The following DNAH10 variants were observed in gnomAD, a reference collection of about 807,000 sequenced individuals.
DNAH10 encodes axonemal beta dynein heavy chain 10.
A neutral mutation model predicts 506.6 loss-of-function variants in DNAH10; 348 were observed. The observed-to-expected ratio is 0.69, with a 90% CI of 0.63 to 0.75. The LOEUF (loss-of-function observed/expected upper bound fraction) is 0.75. DNAH10 is among the 30% of genes least tolerant of loss of function. The pLI is 0.00. For missense variants in DNAH10, 5,179 were observed against 5,787.1 expected (o/e 0.89, Z 3.41); for synonymous variants, 2,059 against 2,198.6 (o/e 0.94, Z 1.78).
chr12:123,846,276 GA>G lies in DNAH10; in HGVS notation c.5814+126del. 1 of 1,279,544 alleles carries G rather than the reference GA, an allele frequency of 7.8e-7. No individual in the cohort carries two copies. The highest frequency in any genetic ancestry group is 1.0e-6 in the Non-Finnish European group (1 of 956,148). 79.3% of individuals were successfully genotyped at this position (1,279,544 alleles called of 1,614,324 possible). A position where few individuals can be genotyped will look rare whatever the true frequency, so the allele number is the denominator to read the frequency against. ...GGGGAGATCATTGCTTTGAAATCTC[GA>G]AAAGCTTTTCCATTTGGGATGTGAC... is the stretch of plus-strand genomic sequence containing the variant. On this transcript the variant is annotated intron_variant, in intron 32 of 78. Transcript: ENST00000673944. The surrounding 1 kb of genome is among the most constrained non-coding windows in gnomAD (Gnocchi z 4.5).
chr12:123,772,240 C>T (rs1290139148), intron 3 of DNAH10, among the ~76,000 whole-genome samples: 1 of 152,152 alleles, frequency 6.6e-6, no homozygotes, highest in Non-Finnish European at 1.5e-5. Context: ...GACTGGGGCC[C>T]CAGCAAACAA....
intron 52 of DNAH10, among the ~76,000 whole-genome samples, chr12:123,888,616 G>C (rs1952842539): frequency 6.6e-6 from 1 of 152,198 alleles, no homozygotes; most frequent in South Asian, 2.1e-4. Context: ...AGGTTACCCT[G>C]AGACCTTGAT....
At chr12:123,848,648 T>A in intron 33 of DNAH10, 82 bp from the exon 34 acceptor site, 3 of 1,541,884 alleles carry the variant, frequency 1.9e-6, no homozygotes, top group Non-Finnish European at 2.6e-6. Context: ...TTTGCTTTAA[T>A]TTAGAAAATA....
intron 21 of DNAH10, among the ~76,000 whole-genome samples, chr12:123,816,254 A>C (rs1203494404): frequency 1.3e-5 from 2 of 152,236 alleles, no homozygotes; most frequent in Non-Finnish European, 2.9e-5. Context: ...AGGCAGCTTC[A>C]GCATGGGGGC....
At chr12:123,845,909 C>G (rs376253383) in intron 31 of DNAH10, 40 bp downstream of exon 31, 48 of 1,612,340 alleles carry the variant, frequency 3.0e-5, no homozygotes, top group Non-Finnish European at 3.8e-5. Flanking sequence ...CAAAAGGGAC[C>G]CTTTGTGGTC....
chr12:123,850,581 G>T lies in DNAH10; in HGVS notation c.6103-307G>T, dbSNP rs1951117154. On this transcript the variant is annotated intron_variant, in intron 34 of 78. Coordinates refer to ENST00000673944, the MANE Select transcript of DNAH10 (RefSeq NM_001372106.1). This position sits in a 1 kb window ranked among gnomAD's most constrained non-coding sequence, Gnocchi z 5.5. ...GAGACTCAGAGAGGTTAAGTGACCTGCTGAGGGTCACACAGCTTCTTGTAT... is the reference window on the plus strand; with the variant it reads ...GAGACTCAGAGAGGTTAAGTGACCTTCTGAGGGTCACACAGCTTCTTGTAT... 6.6e-6 allele frequency among the ~76,000 whole-genome samples: 1 copy of T among 152,178 alleles called. No homozygotes were observed. Among genetic ancestry groups the T allele is most frequent in the Admixed American group, 6.5e-5 (1 of 15,278 alleles).
intron 73 of DNAH10, 113 bp from the exon 74 acceptor site, chr12:123,931,228 C>T (rs946318812): frequency 2.0e-6 from 3 of 1,466,924 alleles, no homozygotes; most frequent in African/African-American, 2.8e-5. Flanking sequence ...AAAAAAGTCA[C>T]CCTCTAAACA....
intron 37 of DNAH10, among the ~76,000 whole-genome samples, chr12:123,857,650 C>T (rs759316525): frequency 3.3e-5 from 5 of 152,326 alleles, no homozygotes; most frequent in Non-Finnish European, 5.9e-5. Context: ...ATTGCTGGAA[C>T]GCGCGAGGTG....
rs1957761830 is a variant in DNAH10 at position 123,784,032 on chromosome 12, T to C, written c.1085T>C (p.Ile362Thr). Reference protein sequence around the residue: ...SALHEQTKLPIVRKVLDVIKE... With the variant: ...SALHEQTKLPTVRKVLDVIKE... ...CTGCATGAACAAACAAAGCTTCCAATAGTCAGAAAAGTCTTGGATGTGATC... is the reference window on the plus strand; with the variant it reads ...CTGCATGAACAAACAAAGCTTCCAACAGTCAGAAAAGTCTTGGATGTGATC... Residue 362 changes from isoleucine (I) to threonine (T), a missense_variant, in exon 8 of 79, where the codon ATA becomes ACA. Physicochemically the swap from Ile to Thr is moderately conservative, Grantham distance 89. This residue lies in a region of DNAH10 where 4,844 missense variants were observed against 5,430.5 expected (regional missense o/e 0.89). Transcript: ENST00000673944. The C allele has an allele frequency of 1.9e-6, 3 of 1,614,194 alleles. No individual in the cohort carries two copies. The East Asian group carries it at 6.7e-5, about 36-fold the overall frequency.
chr12:123,923,903 C>T, intron 66 of DNAH10, 36 bp downstream of exon 66: 1 of 1,442,900 alleles, frequency 6.9e-7, no homozygotes, highest in East Asian at 2.3e-5. Context: ...CTCCCATCTC[C>T]TTGCCCACAT....
At chr12:123,911,034 T>C (rs1954043583) in intron 59 of DNAH10, among the ~76,000 whole-genome samples, 1 of 151,650 alleles carries the variant, frequency 6.6e-6, no homozygotes, top group South Asian at 2.1e-4. Context: ...AGTGAGACCC[T>C]GTCTCTACAA....
chr12:123,821,413 C>T (rs1210866387), intron 24 of DNAH10, among the ~76,000 whole-genome samples: 1 of 152,194 alleles, frequency 6.6e-6, no homozygotes, highest in African/African-American at 2.4e-5. Flanking sequence ...TCACTGCAGC[C>T]TCGAAGTCCT....
At position 123,813,352 on chromosome 12, in the gene DNAH10, G is replaced by T. The variant is rs1348279959; in HGVS notation, c.3333G>T (p.Trp1111Cys). 2 of 1,614,086 alleles carry T rather than the reference G, an allele frequency of 1.2e-6. No individual in the cohort carries two copies. The highest frequency in any genetic ancestry group is 1.7e-6 in the Non-Finnish European group (2 of 1,180,050). ...LINLMKYLQKWKRYRPLWKLD... is the reference protein window; with the variant it reads ...LINLMKYLQKCKRYRPLWKLD... Reference sequence around the variant, plus strand: ...ATCTTATGAAGTATCTACAAAAATGGAAGCGGTATCGACCTCTCTGGAAAT... The same window carrying T: ...ATCTTATGAAGTATCTACAAAAATGTAAGCGGTATCGACCTCTCTGGAAAT... The change falls in exon 20 of 79, where the codon TGG becomes TGT. Residue 1111 changes from tryptophan to cysteine, a missense_variant. Coordinates refer to ENST00000673944, the MANE Select transcript of DNAH10 (RefSeq NM_001372106.1).
chr12:123,863,628 G>A (rs1031123814), intron 39 of DNAH10, among the ~76,000 whole-genome samples: 3 of 152,126 alleles, frequency 2.0e-5, no homozygotes, highest in Non-Finnish European at 4.4e-5. Context: ...CTTCCCCTCT[G>A]TGTGTCTTAT....
intron 24 of DNAH10, among the ~76,000 whole-genome samples, chr12:123,822,212 A>G (rs1350436088): frequency 6.6e-6 from 1 of 152,208 alleles, no homozygotes; most frequent in East Asian, 1.9e-4. Flanking sequence ...GTCTCAAAAA[A>G]TAAAAATAAA....
At position 123,934,934 on chromosome 12, in the gene DNAH10, T is replaced by C. The variant is rs182665684; in HGVS notation, c.13623+168T>C. Reference sequence around the variant, plus strand: ...ATAAAAGCTACGGATAGCTGCTTCCTGGAAAAGGCGCGGCTGTATGTGTGT... The same window carrying C: ...ATAAAAGCTACGGATAGCTGCTTCCCGGAAAAGGCGCGGCTGTATGTGTGT... On this transcript the variant is annotated intron_variant, in intron 78 of 78. Coordinates refer to ENST00000673944, the MANE Select transcript of DNAH10 (RefSeq NM_001372106.1). 4.1e-4 allele frequency: 366 copies of C among 900,580 alleles called. 1 individual carries two copies. In the African/African-American group the frequency reaches 5.2e-3, roughly 13 times the overall value. 55.8% of individuals were successfully genotyped at this position (900,580 alleles called of 1,614,324 possible).
intron 19 of DNAH10, among the ~76,000 whole-genome samples, chr12:123,811,918 C>T (rs866967476): frequency 4.6e-5 from 7 of 151,876 alleles, no homozygotes; most frequent in Admixed American, 2.0e-4. Flanking sequence ...ATTACAGGTG[C>T]GAGCCAACGC....
chr12:123,805,125 G>C (rs1324807032), intron 18 of DNAH10, 85 bp downstream of exon 18: 2 of 1,392,476 alleles, frequency 1.4e-6, no homozygotes, highest in Non-Finnish European at 2.0e-6. Context: ...GGGGTGGCAA[G>C]GTAGAGAATG....
chr12:123,770,673 C>G (rs1390143800), intron 2 of DNAH10, among the ~76,000 whole-genome samples: 1 of 152,052 alleles, frequency 6.6e-6, no homozygotes, highest in Non-Finnish European at 1.5e-5. Flanking sequence ...AAACTAATAG[C>G]AGAGAGGATT....
Sources: allele counts gnomAD v4.1 joint callset (sites outside exome capture counted in the v4.1 genomes callset), GRCh38; gene constraint gnomAD v4.1.1; regional missense constraint gnomAD v4.1.1; non-coding constraint Gnocchi (gnomAD v3.1); transcripts MANE v1.5; gene names NCBI Gene and HGNC (gene_info 2026-07-23, HGNC 2026-07-21).